Variants in PLPPR4 observed in about 807,000 individuals in gnomAD.
PLPPR4 encodes the protein phospholipid phosphatase related 4.
PLPPR4 carries 24 observed loss-of-function variants against 56.6 expected under a neutral mutation model. The observed-to-expected ratio is 0.42, with a 90% CI of 0.31 to 0.60. PLPPR4 has a LOEUF of 0.60. PLPPR4 is among the 20% of genes least tolerant of loss of function. The pLI, the probability that PLPPR4 is intolerant of heterozygous loss-of-function variation, is 0.13. For synonymous variants in PLPPR4, 326 were observed against 328.1 expected, an observed-to-expected ratio of 0.99 and a Z score of 0.07; for missense variants, 654 against 885.8, an observed-to-expected ratio of 0.74 and a Z score of 3.32.
At chr1:99,264,793 GC>G in intron 1 of PLPPR4, 122 bp downstream of exon 1, 1 of 962,236 alleles carries the variant, frequency 1.0e-6, no homozygotes, top group Non-Finnish European at 1.6e-6. Flanking sequence ...GTCCCCAAAT[GC>G]CCGACCCTCC....
rs922293993 is a variant in PLPPR4 at position 99,301,716 on chromosome 1, T to C, written c.649-8T>C. 6.3e-6 allele frequency: 10 copies of C among 1,594,994 alleles called. No homozygotes were observed. Among genetic ancestry groups the C allele is most frequent in the Non-Finnish European group, 8.6e-6 (10 of 1,169,116 alleles). ...TAACATACTTAACCCATTTCTTCCA[T>C]TTTTAAGATGTACTTCAATTCCACA... On this transcript the variant is annotated splice_polypyrimidine_tract_variant and splice_region_variant and intron_variant, in intron 5 of 6. Coordinates refer to ENST00000370185, the MANE Select transcript of PLPPR4 (RefSeq NM_014839.5).
At chr1:99,277,407 G>A (rs1659215603) in intron 1 of PLPPR4, among the ~76,000 whole-genome samples, 1 of 152,168 alleles carries the variant, frequency 6.6e-6, no homozygotes, top group Non-Finnish European at 1.5e-5. Flanking sequence ...GCTGAACCAA[G>A]TGAGAGGTCT....
chr1:99,277,009 A>G (rs1210329804), intron 1 of PLPPR4, among the ~76,000 whole-genome samples: 1 of 152,132 alleles, frequency 6.6e-6, no homozygotes, highest in African/African-American at 2.4e-5. Flanking sequence ...AGCTTTGGCT[A>G]ACTTTCTCAA....
Position 99,305,765 on chromosome 1 carries a change from C to T in PLPPR4, c.903C>T (p.Asp301=), listed in dbSNP as rs753646316. 1.2e-6 allele frequency: 2 copies of T among 1,614,020 alleles called. No homozygotes were observed. Among genetic ancestry groups the T allele is most frequent in the Non-Finnish European group, 1.7e-6 (2 of 1,179,996 alleles). The part of the protein sequence containing the change: ...QHRDALRSLT[D]LNQDPNRLLS... ...GAGACGCCCTCAGGTCTCTGACAGA[C>T]CTCAATCAAGATCCCAACCGACTTT... is the stretch of plus-strand genomic sequence containing the variant. The change falls in exon 7 of 7, where the codon GAC becomes GAT. Residue 301 remains aspartate, a synonymous_variant. Coordinates refer to ENST00000370185, the MANE Select transcript of PLPPR4 (RefSeq NM_014839.5).
chr1:99,294,731 T>C (rs1659701767), intron 2 of PLPPR4, among the ~76,000 whole-genome samples: 1 of 151,222 alleles, frequency 6.6e-6, no homozygotes, highest in South Asian at 2.1e-4. Flanking sequence ...AATCTCAAGG[T>C]CTCAAGCTCA....
intron 1 of PLPPR4, among the ~76,000 whole-genome samples, chr1:99,273,142 C>T (rs551159430): frequency 6.6e-6 from 1 of 152,046 alleles, no homozygotes; most frequent in Admixed American, 6.6e-5. Context: ...TTTGGCAGAA[C>T]TAACATTGAG....
intron 1 of PLPPR4, among the ~76,000 whole-genome samples, chr1:99,275,550 G>A (rs536739788): frequency 5.9e-5 from 9 of 152,242 alleles, no homozygotes; most frequent in African/African-American, 2.2e-4. Flanking sequence ...AATAAATCTA[G>A]CAGCTTAATT....
intron 2 of PLPPR4, among the ~76,000 whole-genome samples, chr1:99,293,202 A>G (rs1005247544): frequency 5.9e-5 from 9 of 152,176 alleles, no homozygotes; most frequent in African/African-American, 2.2e-4. Context: ...GAATAAAAAG[A>G]TCGGCTGATT....
chr1:99,265,778 G>A (rs909478168), intron 1 of PLPPR4, among the ~76,000 whole-genome samples: 7 of 152,204 alleles, frequency 4.6e-5, no homozygotes, highest in African/African-American at 7.2e-5. Flanking sequence ...TATCTGTCCT[G>A]AGGAATAGTC....
At chr1:99,266,496 C>T (rs913965757) in intron 1 of PLPPR4, among the ~76,000 whole-genome samples, 3 of 152,202 alleles carry the variant, frequency 2.0e-5, no homozygotes, top group African/African-American at 7.2e-5. Flanking sequence ...AGTACAAGTG[C>T]CTCATAATGC....
At chr1:99,298,843 A>G in intron 3 of PLPPR4, 192 bp from the exon 4 acceptor site, 1 of 661,168 alleles carries the variant, frequency 1.5e-6, no homozygotes, top group South Asian at 1.7e-5. Context: ...CTTTGGAGAT[A>G]CTCATTGCCT....
intron 1 of PLPPR4, among the ~76,000 whole-genome samples, chr1:99,274,218 G>A (rs1659129318): frequency 6.6e-6 from 1 of 151,452 alleles, no homozygotes; most frequent in South Asian, 2.1e-4. Flanking sequence ...CTACCAATTA[G>A]CTTTAGAATC....
rs146533592 is a variant in PLPPR4 at position 99,264,501 on chromosome 1, G to T, written c.-93G>T. 37 of 1,541,662 alleles carry T rather than the reference G, an allele frequency of 2.4e-5. No homozygotes were observed. In the East Asian group the frequency reaches 7.8e-4, roughly 32 times the overall value. The stretch of plus-strand genomic sequence containing the variant: ...CCGCGGGGAATGTGACATCAGCGGC[G>T]CCGGGCGCTTGGGGCTGGAGGAGGC... On this transcript the variant is annotated 5_prime_UTR_variant, in exon 1 of 7. Coordinates refer to ENST00000370185, the MANE Select transcript of PLPPR4 (RefSeq NM_014839.5).
intron 3 of PLPPR4, among the ~76,000 whole-genome samples, chr1:99,297,465 G>A (rs565178032): frequency 1.3e-5 from 2 of 152,140 alleles, no homozygotes; most frequent in South Asian, 4.2e-4. Context: ...CTTAGCATTG[G>A]ACCATCCTAA....
At chr1:99,265,583 A>G (rs1658874709) in intron 1 of PLPPR4, among the ~76,000 whole-genome samples, 1 of 152,236 alleles carries the variant, frequency 6.6e-6, no homozygotes, top group African/African-American at 2.4e-5. Flanking sequence ...GCATAGATTT[A>G]GGGAAATCAG....
chr1:99,262,969 G>T (rs565794664), upstream of PLPPR4, among the ~76,000 whole-genome samples: 7 of 152,240 alleles, frequency 4.6e-5, no homozygotes, highest in South Asian at 1.2e-3. Flanking sequence ...TGTGTGTGGT[G>T]GGGGGTGAGG....
rs1225969370 is a variant in PLPPR4, at chr1:99,296,636, A to G, written c.265-102A>G. The G allele has an allele frequency of 3.1e-6, 3 of 952,932 alleles. No homozygotes were observed. The African/African-American group carries it at 5.0e-5, about 16-fold the overall frequency. 59.0% of individuals were successfully genotyped at this position (952,932 alleles called of 1,614,324 possible). A position where few individuals can be genotyped will look rare whatever the true frequency, so the allele number is the denominator to read the frequency against. On this transcript the variant is annotated intron_variant, in intron 2 of 6. Transcript: ENST00000370185. The stretch of plus-strand genomic sequence containing the variant: ...TTAAGAAAATTTACATCTTTACTTT[A>G]TTGAATTGATATGTTAAAAAGTGAT...
At chr1:99,287,353 C>G (rs1303417508) in intron 1 of PLPPR4, among the ~76,000 whole-genome samples, 2 of 152,158 alleles carry the variant, frequency 1.3e-5, no homozygotes, top group Non-Finnish European at 2.9e-5. Flanking sequence ...AATAAACATG[C>G]ATGCACATGT....
intron 5 of PLPPR4, among the ~76,000 whole-genome samples, chr1:99,301,318 C>A (rs115604259): frequency 1.3e-5 from 2 of 150,922 alleles, no homozygotes; most frequent in African/African-American, 4.9e-5. Context: ...CACACACACA[C>A]GTACGCTACT....
Sources: gnomAD v4.1 joint callset for allele counts (sites outside exome capture counted in the v4.1 genomes callset) on GRCh38, gnomAD v4.1.1 for gene constraint, MANE v1.5 for transcripts, NCBI Gene and HGNC (gene_info 2026-07-23, HGNC 2026-07-21) for gene names.